The following TMCC1 variants were observed in gnomAD, a reference collection of about 807,000 sequenced individuals.
The protein encoded by TMCC1 is transmembrane and coiled-coil domains protein 1.
A neutral mutation model predicts 52.4 loss-of-function variants in TMCC1; 15 were observed. That is an observed-to-expected ratio of 0.29 (90% CI 0.19 to 0.44). The LOEUF (loss-of-function observed/expected upper bound fraction) is 0.44. Among genes scored for constraint, TMCC1 ranks in the 20% least tolerant of loss-of-function variants. The pLI is 1.00. For synonymous variants in TMCC1, 279 were observed against 301.9 expected (o/e 0.92, Z 0.79); for missense variants, 503 against 806.0 (o/e 0.62, Z 4.55).
intron 4 of TMCC1, among the ~76,000 whole-genome samples, chr3:129,779,539 T>G (rs1180592442): frequency 6.6e-6 from 1 of 152,158 alleles, no homozygotes; most frequent in Non-Finnish European, 1.5e-5. Context: ...TGGGTAAATA[T>G]CCTCAAAGCA....
chr3:129,713,715 AAAAAAAAAAAG>A (rs1168448759), intron 4 of TMCC1, among the ~76,000 whole-genome samples: 1 of 151,506 alleles, frequency 6.6e-6, no homozygotes, highest in Admixed American at 6.6e-5. Flanking sequence ...CCATCTCAAA[AAAAAAAAAAAG>A]AAAAAAAAAA....
intron 4 of TMCC1, among the ~76,000 whole-genome samples, chr3:129,743,072 C>T (rs368094849): frequency 1.0e-3 from 159 of 152,222 alleles, no homozygotes; most frequent in African/African-American, 3.4e-3. Context: ...AGGTATGGGG[C>T]TTCCTTTTGA....
intron 2 of TMCC1, among the ~76,000 whole-genome samples, chr3:129,834,171 T>C (rs1165191003): frequency 6.6e-6 from 1 of 152,200 alleles, no homozygotes; most frequent in Non-Finnish European, 1.5e-5. Context: ...TACTGAGCTC[T>C]GAAGGATGAG....
intron 1 of TMCC1, among the ~76,000 whole-genome samples, chr3:129,884,154 T>C (rs2061587701): frequency 2.6e-5 from 4 of 151,994 alleles, no homozygotes; most frequent in Admixed American, 2.6e-4. Flanking sequence ...ACATTAGAAA[T>C]CCTTCAATCA....
At chr3:129,811,250 C>T (rs2057789183) in intron 4 of TMCC1, among the ~76,000 whole-genome samples, 1 of 115,272 alleles carries the variant, frequency 8.7e-6, no homozygotes, top group South Asian at 3.4e-4. Context: ...ACTTTCATGG[C>T]CATTCATTTT....
chr3:129,814,696 G>C (rs933165055), intron 4 of TMCC1, among the ~76,000 whole-genome samples: 18 of 152,114 alleles, frequency 1.2e-4, no homozygotes, highest in African/African-American at 4.1e-4. Context: ...TGAAAGTGAA[G>C]GGGTGGGGAA....
chr3:129,848,265 T>C (rs988910946), intron 2 of TMCC1: 16 of 152,234 alleles, frequency 1.1e-4, no homozygotes, highest in African/African-American at 3.1e-4. Context: ...TCCTGTATTT[T>C]CTTTCTGACA....
intron 4 of TMCC1, among the ~76,000 whole-genome samples, chr3:129,821,998 G>C (rs1259136524): frequency 6.6e-6 from 1 of 152,104 alleles, no homozygotes; most frequent in Admixed American, 6.6e-5. Flanking sequence ...GGGAAGTCGA[G>C]GCTGCAGTTA....
intron 2 of TMCC1, among the ~76,000 whole-genome samples, chr3:129,864,925 A>G (rs1013541335): frequency 6.6e-6 from 1 of 152,338 alleles, no homozygotes; most frequent in Non-Finnish European, 1.5e-5. Context: ...CAAAAACATT[A>G]ATACAGTCAT....
chr3:129,891,385 T>C (rs1235444307), intron 1 of TMCC1, among the ~76,000 whole-genome samples: 1 of 152,264 alleles, frequency 6.6e-6, no homozygotes, highest in Non-Finnish European at 1.5e-5. Context: ...AACTCATTAA[T>C]ATTCTGTGAC....
At chr3:129,819,733 A>G (rs554887758) in intron 4 of TMCC1, 5 of 152,318 alleles carry the variant, frequency 3.3e-5, no homozygotes, top group African/African-American at 1.2e-4. Flanking sequence ...TTGATGGACC[A>G]GTATGACTAA....
intron 4 of TMCC1, among the ~76,000 whole-genome samples, chr3:129,701,840 GGTA>G (rs2047858970): frequency 6.6e-6 from 1 of 152,066 alleles, no homozygotes; most frequent in Non-Finnish European, 1.5e-5. Context: ...AAGCCATGAT[GGTA>G]GTACCACCTC....
chr3:129,830,131 G>T (rs1249323311), intron 3 of TMCC1, among the ~76,000 whole-genome samples: 1 of 152,158 alleles, frequency 6.6e-6, no homozygotes, highest in Non-Finnish European at 1.5e-5. Context: ...AATTCTTTGT[G>T]GCTCCACTGA....
At chr3:129,707,304 T>C (rs1408752768) in intron 4 of TMCC1, among the ~76,000 whole-genome samples, 1 of 152,176 alleles carries the variant, frequency 6.6e-6, no homozygotes, top group African/African-American at 2.4e-5. Flanking sequence ...AAAGTGGAGA[T>C]ATATTTAAAA....
intron 2 of TMCC1, among the ~76,000 whole-genome samples, chr3:129,834,975 G>A (rs181553966): frequency 3.3e-5 from 5 of 152,274 alleles, no homozygotes; most frequent in Non-Finnish European, 7.4e-5. Context: ...CTAGACGGTT[G>A]TGAGAGCTAT....
intron 4 of TMCC1, among the ~76,000 whole-genome samples, chr3:129,730,293 AGTTT>A (rs1193381451): frequency 6.6e-6 from 1 of 152,050 alleles, no homozygotes; most frequent in Non-Finnish European, 1.5e-5. Flanking sequence ...AAAGTTTCAT[AGTTT>A]ATTTTATATA....
intron 4 of TMCC1, among the ~76,000 whole-genome samples, chr3:129,807,801 G>C (rs1296232689): frequency 6.6e-6 from 1 of 152,076 alleles, no homozygotes; most frequent in Non-Finnish European, 1.5e-5. Flanking sequence ...CATAATTTCT[G>C]AAAAATTATC....
At chr3:129,877,223 A>G (rs2061256590) in intron 2 of TMCC1, among the ~76,000 whole-genome samples, 1 of 152,192 alleles carries the variant, frequency 6.6e-6, no homozygotes, top group African/African-American at 2.4e-5. Flanking sequence ...CCCTTTATCA[A>G]GGTTACCAAT....
chr3:129,827,646 A>G, intron 4 of TMCC1, 157 bp downstream of exon 4: 2 of 768,386 alleles, frequency 2.6e-6, no homozygotes, highest in Admixed American at 2.5e-5. Context: ...TTCATTAGCT[A>G]TAATTATTAT....
Sources: gnomAD v4.1 joint callset for allele counts (sites outside exome capture counted in the v4.1 genomes callset) on GRCh38, gnomAD v4.1.1 for gene constraint, MANE v1.5 for transcripts, NCBI Gene and HGNC (gene_info 2026-07-23, HGNC 2026-07-21) for gene names.